RRM2B: variants seen among roughly 807,000 people sequenced by gnomAD.
RRM2B encodes the protein ribonucleoside-diphosphate reductase subunit M2 B.
Under a neutral mutation model 45.9 loss-of-function variants are expected in RRM2B, and 20 were observed. The ratio of observed to expected loss-of-function variants is 0.44; its 90% CI spans 0.31 to 0.63. The LOEUF (loss-of-function observed/expected upper bound fraction) is 0.63, where lower values mean the gene tolerates loss of function less well. RRM2B is among the 30% of genes least tolerant of loss of function. RRM2B has a pLI of 0.09. For synonymous variants in RRM2B, 124 were observed against 132.3 expected (o/e 0.94, Z 0.43); for missense variants, 320 against 414.7 (o/e 0.77, Z 1.98).
At chr8:102,217,039 G>A (rs1171692062) in intron 6 of RRM2B, among the ~76,000 whole-genome samples, 1 of 151,976 alleles carries the variant, frequency 6.6e-6, no homozygotes, top group East Asian at 1.9e-4. Flanking sequence ...TTATATATAT[G>A]TAAAGGTATT....
At chr8:102,219,072 C>T in intron 5 of RRM2B, 125 bp from the exon 6 acceptor site, 1 of 1,036,738 alleles carries the variant, frequency 9.6e-7, no homozygotes, top group East Asian at 2.6e-5. Context: ...CAAGTTAGTG[C>T]CATGGCCAAA....
chr8:102,207,982 TA>T lies in RRM2B; in HGVS notation c.*150del. On this transcript the variant is annotated 3_prime_UTR_variant, in exon 9 of 9. Transcript: ENST00000251810. The stretch of plus-strand genomic sequence containing the variant: ...CTTGTTGTTAAACAGGAAAATTATA[TA>T]AATGCAAATTGTTTAGAATAGGTTT... 1 of 629,640 alleles carries T rather than the reference TA, an allele frequency of 1.6e-6. No individual in the cohort carries two copies. Among genetic ancestry groups the T allele is most frequent in the South Asian group, 2.0e-5 (1 of 50,636 alleles). The allele number at this position is 629,640 out of a possible 1,614,324, so 39.0% of individuals were successfully genotyped here.
rs905327365 is a variant in RRM2B at position 102,205,354 on chromosome 8, G to T, written c.*2779C>A. The T allele has an allele frequency of 6.6e-6, 1 of 152,068 alleles. No individual in the cohort carries two copies. Among genetic ancestry groups the T allele is most frequent in the African/African-American group, 2.4e-5 (1 of 41,416 alleles). 9.4% of individuals were successfully genotyped at this position (152,068 alleles called of 1,614,324 possible). A position where few individuals can be genotyped will look rare whatever the true frequency, so the allele number is the denominator to read the frequency against. ...ATCAATTCATGCACAAATAAAAAATGGCAATAGAAAAAGCAGAAAAATATG... is the reference window on the plus strand; with the variant it reads ...ATCAATTCATGCACAAATAAAAAATTGCAATAGAAAAAGCAGAAAAATATG... On this transcript the variant is annotated 3_prime_UTR_variant, in exon 9 of 9. Transcript: ENST00000251810.
intron 1 of RRM2B, among the ~76,000 whole-genome samples, chr8:102,235,250 A>C (rs534374567): frequency 6.6e-6 from 1 of 152,322 alleles, no homozygotes; most frequent in Admixed American, 6.5e-5. Flanking sequence ...GATTTAAGTG[A>C]TATTCAGAAG....
chr8:102,234,003 T>C (rs1200226746), intron 1 of RRM2B, among the ~76,000 whole-genome samples: 1 of 152,158 alleles, frequency 6.6e-6, no homozygotes, highest in Non-Finnish European at 1.5e-5. Context: ...AAATTTTTTG[T>C]AGAGATGGGG....
At chr8:102,215,872 G>A (rs1810720776) in intron 6 of RRM2B, among the ~76,000 whole-genome samples, 1 of 147,608 alleles carries the variant, frequency 6.8e-6, no homozygotes, top group South Asian at 2.1e-4. Context: ...TTGAGCCCAG[G>A]AGGTCAAAGC....
chr8:102,228,760 T>C (rs1810977243), intron 2 of RRM2B, among the ~76,000 whole-genome samples: 1 of 152,204 alleles, frequency 6.6e-6, no homozygotes, highest in African/African-American at 2.4e-5. Context: ...TGGGTTCAAG[T>C]GAGTGGAGTT....
At chr8:102,238,637 C>A (rs1405040342) in intron 1 of RRM2B, 190 bp downstream of exon 1, 2 of 1,533,442 alleles carry the variant, frequency 1.3e-6, no homozygotes, top group Non-Finnish European at 1.7e-6. Flanking sequence ...CCAAAGTCAG[C>A]TCCTTCCTCC....
chr8:102,226,650 C>T (rs538207329), intron 2 of RRM2B, among the ~76,000 whole-genome samples: 1 of 152,270 alleles, frequency 6.6e-6, no homozygotes, highest in African/African-American at 2.4e-5. Flanking sequence ...ACTGTAGCTG[C>T]TACTTTACTG....
At chr8:102,218,998 CAT>C (rs140211498) in intron 5 of RRM2B, 51 bp from the exon 6 acceptor site, 1,650 of 1,495,816 alleles carry the variant, frequency 1.1e-3, no homozygotes, top group Non-Finnish European at 1.3e-3. Flanking sequence ...CAAACATTTG[CAT>C]ATATATATAT....
At position 102,233,824 on chromosome 8, in the gene RRM2B, T is replaced by G. The variant is rs538914479; in HGVS notation, c.49-1520A>C. ...CATTCCACAAATATTTGAGCAATTT[T>G]TTTTTAAGACTGGGTCTTGCTCCGT... On this transcript the variant is annotated intron_variant, in intron 1 of 8. Coordinates refer to ENST00000251810, the MANE Select transcript of RRM2B (RefSeq NM_015713.5). Among the ~76,000 whole-genome samples, 31 of 152,326 alleles carry G rather than the reference T, an allele frequency of 2.0e-4. No individual in the cohort carries two copies. The South Asian group carries it at 4.3e-3, about 21-fold the overall frequency.
At chr8:102,235,115 T>C (rs757023864) in intron 1 of RRM2B, among the ~76,000 whole-genome samples, 3 of 152,214 alleles carry the variant, frequency 2.0e-5, no homozygotes, top group Admixed American at 6.5e-5. Flanking sequence ...TAATCAGATA[T>C]ATCTTTTAAG....
intron 1 of RRM2B, chr8:102,238,523 G>A (rs1233248858): frequency 1.4e-6 from 2 of 1,449,612 alleles, no homozygotes; most frequent in South Asian, 1.2e-5. Context: ...GAGGGTGGGA[G>A]AGCGTGAGGC....
At chr8:102,237,887 G>A (rs1350217209) in intron 1 of RRM2B, among the ~76,000 whole-genome samples, 1 of 152,184 alleles carries the variant, frequency 6.6e-6, no homozygotes, top group African/African-American at 2.4e-5. Context: ...AAGAAATGTA[G>A]GGCCAAGCAT....
chr8:102,208,628 G>T, intron 8 of RRM2B, among the ~76,000 whole-genome samples: 1 of 152,090 alleles, frequency 6.6e-6, no homozygotes. Flanking sequence ...ATTTTTCATA[G>T]ATATTACTAT....
At chr8:102,224,242 C>A (rs1810886012) in intron 4 of RRM2B, 102 bp from the exon 5 acceptor site, 1 of 765,676 alleles carries the variant, frequency 1.3e-6, no homozygotes, top group African/African-American at 1.7e-5. Flanking sequence ...AGTGCAGTGG[C>A]ACGATCTCGG....
chr8:102,224,605 G>C (rs1031150254), intron 4 of RRM2B, among the ~76,000 whole-genome samples: 1 of 152,090 alleles, frequency 6.6e-6, no homozygotes, highest in Non-Finnish European at 1.5e-5. Context: ...CAAATTATTG[G>C]TTTGAATCTG....
chr8:102,212,942 T>C, intron 7 of RRM2B, 53 bp from the exon 8 acceptor site: 2 of 909,572 alleles, frequency 2.2e-6, no homozygotes, highest in Admixed American at 3.7e-5. Context: ...TAAATATGTA[T>C]TTTCCAAATA....
Position 102,224,959 on chromosome 8 carries a change from T to C in RRM2B, c.381A>G (p.Gln127=). The part of the protein sequence containing the change: ...VPEARCFYGF[Q]ILIENVHSEM... ...CTGAGTGAACATTCTCGATGAGAAT[T>C]TGAAAGCCATAGAAACAGCGAGCCT... is the stretch of plus-strand genomic sequence containing the variant. The change falls in exon 4 of 9, where the codon CAA becomes CAG. Residue 127 remains glutamine (Q), a synonymous_variant. Coordinates refer to ENST00000251810, the MANE Select transcript of RRM2B (RefSeq NM_015713.5). The C allele has an allele frequency of 1.2e-6, 2 of 1,614,084 alleles. No homozygotes were observed. The highest frequency in any genetic ancestry group is 2.2e-5 in the East Asian group (1 of 44,882).
Sources: gnomAD v4.1 joint callset for allele counts (sites outside exome capture counted in the v4.1 genomes callset) on GRCh38, gnomAD v4.1.1 for gene constraint, MANE v1.5 for transcripts, NCBI Gene and HGNC (gene_info 2026-07-23, HGNC 2026-07-21) for gene names.